The following RGPD2 variants were observed in gnomAD, a reference collection of about 807,000 sequenced individuals.
RGPD2 encodes RANBP2 like and GRIP domain containing 2.
In RGPD2, 2 loss-of-function variants were observed where a neutral mutation model predicts 36.0. That is an observed-to-expected ratio of 0.06 (90% confidence interval 0.02 to 0.17). The LOEUF (loss-of-function observed/expected upper bound fraction) is 0.17, where lower values mean the gene tolerates loss of function less well. Among genes scored for constraint, RGPD2 ranks in the 10% least tolerant of loss-of-function variants. The probability of loss-of-function intolerance (pLI) is 1.00; values close to 1 mark genes in which losing one functional copy is unlikely to be tolerated. For synonymous variants in RGPD2, 19 were observed against 163.8 expected, an observed-to-expected ratio of 0.12 and a Z score of 6.75; for missense variants, 40 against 464.3, an observed-to-expected ratio of 0.09 and a Z score of 8.40.
intron 22 of RGPD2, among the ~76,000 whole-genome samples, chr2:87,769,750 A>G (rs1304220802): frequency 6.6e-6 from 1 of 151,262 alleles, no homozygotes; most frequent in African/African-American, 2.4e-5. Flanking sequence ...TATAACTATA[A>G]AATTAGTTAT....
the RGPD2 span, among the ~76,000 whole-genome samples, chr2:87,836,273 GAAGAAAGAAAGGA>G: frequency 7.0e-6 from 1 of 143,384 alleles, no homozygotes; most frequent in Non-Finnish European, 1.5e-5. Context: ...AAGGAAGAAA[GAAGAAAGAAAGGA>G]AAGAAAGAAA....
rs1325349308 is a variant in RGPD2, at chr2:87,807,380, G to GTCT, written c.780-490_780-489insAGA. 9.4e-3 allele frequency among the ~76,000 whole-genome samples: 764 copies of GTCT among 81,476 alleles called. 12 individuals are homozygous for GTCT. Among genetic ancestry groups the GTCT allele is most frequent in the African/African-American group, 0.047 (717 of 15,188 alleles). The allele number at this position is 81,476 out of a possible 152,430, so 53.5% of individuals were successfully genotyped here. A position where few individuals can be genotyped will look rare whatever the true frequency, so the allele number is the denominator to read the frequency against. On this transcript the variant is annotated intron_variant, in intron 6 of 22. Transcript: ENST00000398146. The stretch of plus-strand genomic sequence containing the variant: ...ATATAGATCATTACAGCGTTAAATT[G>GTCT]TTTTTTTTTTTTTTTTTTTTTTTTG...
At chr2:87,966,686 G>A in the RGPD2 span, among the ~76,000 whole-genome samples, 268 of 151,908 alleles carry the variant, frequency 1.8e-3, no homozygotes, top group Middle Eastern at 6.8e-3. Context: ...GCAGCACTTC[G>A]GAGGCCAAGG....
At chr2:87,845,914 C>T in the RGPD2 span, among the ~76,000 whole-genome samples, 255 of 149,730 alleles carry the variant, frequency 1.7e-3, no homozygotes, top group Non-Finnish European at 2.8e-3. Context: ...ACAGTATTAT[C>T]TTATAATTTT....
At chr2:87,824,711 C>T (rs1191069597) in intron 1 of RGPD2, among the ~76,000 whole-genome samples, 1 of 121,786 alleles carries the variant, frequency 8.2e-6, no homozygotes, top group Non-Finnish European at 1.9e-5. Flanking sequence ...AGGCCGAGGC[C>T]GAGGCCGCCG....
the RGPD2 span, among the ~76,000 whole-genome samples, chr2:87,921,547 C>T: frequency 6.6e-6 from 1 of 152,132 alleles, no homozygotes; most frequent in African/African-American, 2.4e-5. Flanking sequence ...TTTGTTCTTT[C>T]CATAATATCA....
At chr2:87,818,021 A>T (rs1471326833) in intron 2 of RGPD2, among the ~76,000 whole-genome samples, 9 of 48,438 alleles carry the variant, frequency 1.9e-4, no homozygotes, top group Non-Finnish European at 3.9e-4. Flanking sequence ...GATACTGACT[A>T]AAAAAAAAAA....
At chr2:87,977,606 G>A in the RGPD2 span, among the ~76,000 whole-genome samples, 77 of 149,402 alleles carry the variant, frequency 5.2e-4, no homozygotes, top group Middle Eastern at 3.4e-3. Flanking sequence ...TGGAGCCCAG[G>A]AGTTCGAGAC....
the RGPD2 span, among the ~76,000 whole-genome samples, chr2:87,960,161 A>G: frequency 6.6e-6 from 1 of 151,944 alleles, no homozygotes; most frequent in East Asian, 1.9e-4. Flanking sequence ...TATTTTTTAT[A>G]TATTCTTTTT....
chr2:87,986,527 A>T, the RGPD2 span, among the ~76,000 whole-genome samples: 1 of 152,026 alleles, frequency 6.6e-6, no homozygotes. Context: ...TCCATTGCCC[A>T]GCAATTACTA....
At chr2:87,988,540 T>TAA in the RGPD2 span, among the ~76,000 whole-genome samples, 1 of 25,906 alleles carries the variant, frequency 3.9e-5, no homozygotes, top group Non-Finnish European at 1.2e-4. Flanking sequence ...TATATATATA[T>TAA]ATTTTTTTTT....
At chr2:87,878,108 C>T in the RGPD2 span, among the ~76,000 whole-genome samples, 20 of 152,198 alleles carry the variant, frequency 1.3e-4, no homozygotes, top group African/African-American at 4.6e-4. Context: ...TGGATTATAT[C>T]CTGAAGTGTG....
chr2:87,948,129 T>C, the RGPD2 span, among the ~76,000 whole-genome samples: 1 of 152,272 alleles, frequency 6.6e-6, no homozygotes, highest in Admixed American at 6.5e-5. Context: ...TTAAAGGTAA[T>C]GGATTAATAG....
At chr2:87,857,579 T>C in the RGPD2 span, among the ~76,000 whole-genome samples, 138 of 140,476 alleles carry the variant, frequency 9.8e-4, no homozygotes, top group Middle Eastern at 3.8e-3. Flanking sequence ...CCTGACCTTG[T>C]GATCCGCCCG....
chr2:87,824,769 C>CG (rs1558738390), intron 1 of RGPD2, among the ~76,000 whole-genome samples: 23 of 112,646 alleles, frequency 2.0e-4, no homozygotes, highest in Admixed American at 4.4e-4. Flanking sequence ...CCGCCGCCGC[C>CG]CGGCCAGGCC....
chr2:87,974,562 T>A, the RGPD2 span, among the ~76,000 whole-genome samples: 1 of 152,214 alleles, frequency 6.6e-6, no homozygotes, highest in African/African-American at 2.4e-5. Flanking sequence ...CACACATACC[T>A]TGAGTGGTAT....
the RGPD2 span, among the ~76,000 whole-genome samples, chr2:87,941,027 T>G: frequency 6.6e-6 from 1 of 151,992 alleles, no homozygotes; most frequent in African/African-American, 2.4e-5. Context: ...TTGAAATGAT[T>G]ACAAACGGAC....
chr2:87,918,751 C>T, the RGPD2 span, among the ~76,000 whole-genome samples: 11 of 151,224 alleles, frequency 7.3e-5, no homozygotes, highest in Non-Finnish European at 1.3e-4. Flanking sequence ...AATATGTACT[C>T]AGTAATAGAG....
At chr2:87,877,804 C>CAAAAAAAA in the RGPD2 span, among the ~76,000 whole-genome samples, 198 of 84,412 alleles carry the variant, frequency 2.3e-3, no homozygotes, top group Non-Finnish European at 3.3e-3. Context: ...GACTCCGTCT[C>CAAAAAAAA]AAAAAAAAAA....
Sources: gnomAD v4.1 joint callset for allele counts (sites outside exome capture counted in the v4.1 genomes callset) on GRCh38, gnomAD v4.1.1 for gene constraint, MANE v1.5 for transcripts, NCBI Gene and HGNC (gene_info 2026-07-23, HGNC 2026-07-21) for gene names.